The following LMNTD1 variants were observed in gnomAD, a reference collection of about 807,000 sequenced individuals.
The protein encoded by LMNTD1 is lamin tail domain containing 1, also known as lamin tail domain-containing protein 1.
In LMNTD1, 35 loss-of-function variants were observed where a neutral mutation model predicts 50.9. That is an observed-to-expected ratio of 0.69 (90% confidence interval 0.53 to 0.91). LMNTD1 has a LOEUF of 0.91. Ranked by LOEUF, LMNTD1 falls within the 40% of genes least tolerant of loss-of-function variation. The pLI is 0.00. For synonymous variants in LMNTD1, 153 were observed against 161.9 expected, an observed-to-expected ratio of 0.94 and a Z score of 0.42; for missense variants, 470 against 475.5, an observed-to-expected ratio of 0.99 and a Z score of 0.11.
rs571807964 is a variant in LMNTD1 at position 25,502,538 on chromosome 12, G to A, written c.*22+1200C>T. On this transcript the variant is annotated intron_variant, in intron 9 of 9. Coordinates refer to ENST00000458174, the MANE Select transcript of LMNTD1 (RefSeq NM_001145728.2). Reference sequence around the variant, plus strand: ...ACAATTCTTGCCATTAAAATACCTTGGGATTAGTTCTGGCTTTGTGGTTAA... The same window carrying A: ...ACAATTCTTGCCATTAAAATACCTTAGGATTAGTTCTGGCTTTGTGGTTAA... Among the ~76,000 whole-genome samples the A allele has an allele frequency of 2.1e-4, 32 of 152,238 alleles. No individual in the cohort carries two copies. In the South Asian group the frequency reaches 6.6e-3, roughly 32 times the overall value.
chr12:25,609,733 C>T lies in LMNTD1; in HGVS notation c.58+38761G>A, dbSNP rs199934257. Among the ~76,000 whole-genome samples, 8 of 152,174 alleles carry T rather than the reference C, an allele frequency of 5.3e-5. No individual in the cohort carries two copies. The East Asian group carries it at 1.5e-3, about 29-fold the overall frequency. ...TGGAAGCTTCGTCTCAGAGGGGCAC[C>T]TGGCTATATGAGGTGTCAGTCAGCC... On this transcript the variant is annotated intron_variant, in intron 1 of 7. Transcript: ENST00000445693.
At chr12:25,601,164 G>C (rs1460650268) in intron 1 of LMNTD1, among the ~76,000 whole-genome samples, 1 of 151,972 alleles carries the variant, frequency 6.6e-6, no homozygotes, top group Non-Finnish European at 1.5e-5. Context: ...GATGGAACTG[G>C]AGATCGTTAT....
chr12:25,589,341 T>C (rs532526902), intron 1 of LMNTD1, among the ~76,000 whole-genome samples: 8 of 152,250 alleles, frequency 5.3e-5, no homozygotes, highest in African/African-American at 1.9e-4. Context: ...CTTACAAAAT[T>C]ATAGGCACAC....
intron 1 of LMNTD1, among the ~76,000 whole-genome samples, chr12:25,611,224 G>C (rs976565709): frequency 2.0e-5 from 3 of 152,162 alleles, no homozygotes; most frequent in Non-Finnish European, 4.4e-5. Flanking sequence ...ATGGCGTACT[G>C]GAGACAGAAA....
intron 1 of LMNTD1, among the ~76,000 whole-genome samples, chr12:25,640,221 A>G (rs1946925029): frequency 6.6e-6 from 1 of 152,100 alleles, no homozygotes; most frequent in Non-Finnish European, 1.5e-5. Context: ...AGAATAGGTA[A>G]TTAAGATTGG....
intron 1 of LMNTD1, among the ~76,000 whole-genome samples, chr12:25,597,714 T>A (rs747404675): frequency 3.9e-5 from 6 of 152,206 alleles, no homozygotes; most frequent in Non-Finnish European, 5.9e-5. Context: ...CTTCAGCACA[T>A]GGATCATTCT....
intron 1 of LMNTD1, among the ~76,000 whole-genome samples, chr12:25,627,661 C>A (rs1946620485): frequency 1.3e-5 from 2 of 152,150 alleles, no homozygotes; most frequent in African/African-American, 4.8e-5. Context: ...TCTGGTATCA[C>A]CACAGGACAC....
intron 4 of LMNTD1, among the ~76,000 whole-genome samples, chr12:25,536,868 A>C (rs1337656055): frequency 6.7e-6 from 1 of 148,872 alleles, no homozygotes; most frequent in East Asian, 1.9e-4. Flanking sequence ...CAGTGGGTGC[A>C]CGCACCGTGC....
At chr12:25,508,253 T>C (rs1565949299) in intron 8 of LMNTD1, among the ~76,000 whole-genome samples, 1 of 152,232 alleles carries the variant, frequency 6.6e-6, no homozygotes, top group East Asian at 1.9e-4. Context: ...GTCAGTGTTC[T>C]AGAAGCATTT....
upstream of LMNTD1, among the ~76,000 whole-genome samples, chr12:25,558,107 A>T (rs1944116161): frequency 6.6e-6 from 1 of 152,192 alleles, no homozygotes; most frequent in African/African-American, 2.4e-5. Context: ...AAGGAGTAAG[A>T]AAGATCAGTA....
At chr12:25,572,048 T>G (rs1231300010) in intron 1 of LMNTD1, among the ~76,000 whole-genome samples, 2 of 152,186 alleles carry the variant, frequency 1.3e-5, no homozygotes, top group East Asian at 3.9e-4. Context: ...CCCCTAGGTT[T>G]TGGAGCCAGA....
intron 1 of LMNTD1, among the ~76,000 whole-genome samples, chr12:25,629,283 T>C (rs1339406401): frequency 1.3e-5 from 2 of 152,134 alleles, no homozygotes; most frequent in Non-Finnish European, 2.9e-5. Context: ...TCACCAATAT[T>C]TCTTACTTTC....
intron 1 of LMNTD1, among the ~76,000 whole-genome samples, chr12:25,647,199 A>C (rs1041633017): frequency 6.6e-6 from 1 of 152,242 alleles, no homozygotes; most frequent in African/African-American, 2.4e-5. Flanking sequence ...GTTTCTGATA[A>C]AATTTCTACA....
At chr12:25,589,811 A>G (rs1945642074) in intron 1 of LMNTD1, among the ~76,000 whole-genome samples, 1 of 152,046 alleles carries the variant, frequency 6.6e-6, no homozygotes, top group Admixed American at 6.6e-5. Flanking sequence ...GTAAAACTTA[A>G]TTATTCATTG....
intron 1 of LMNTD1, among the ~76,000 whole-genome samples, chr12:25,596,400 G>C (rs958532610): frequency 2.6e-5 from 4 of 152,058 alleles, no homozygotes; most frequent in African/African-American, 7.2e-5. Context: ...TTTCATACCA[G>C]GGATACAGGG....
intron 9 of LMNTD1, among the ~76,000 whole-genome samples, chr12:25,476,804 T>A (rs1001926754): frequency 6.6e-6 from 1 of 152,238 alleles, no homozygotes; most frequent in Non-Finnish European, 1.5e-5. Context: ...GCAGAACTCC[T>A]GACTGAAAGC....
intron 1 of LMNTD1, among the ~76,000 whole-genome samples, chr12:25,640,519 T>C (rs1007257667): frequency 6.8e-6 from 1 of 147,740 alleles, no homozygotes; most frequent in African/African-American, 2.6e-5. Flanking sequence ...AAAAAAAAAA[T>C]CTAAAATTAT....
At chr12:25,619,880 T>C (rs1243849559) in intron 1 of LMNTD1, among the ~76,000 whole-genome samples, 2 of 152,190 alleles carry the variant, frequency 1.3e-5, no homozygotes, top group South Asian at 2.1e-4. Context: ...TTTTGAAACA[T>C]TGGTTATGAG....
At chr12:25,564,600 C>T (rs1944476346) in intron 1 of LMNTD1, among the ~76,000 whole-genome samples, 1 of 152,112 alleles carries the variant, frequency 6.6e-6, no homozygotes. Flanking sequence ...AGATGCTAGA[C>T]ATTATTTCAA....
Sources: allele counts gnomAD v4.1 joint callset (sites outside exome capture counted in the v4.1 genomes callset), GRCh38; gene constraint gnomAD v4.1.1; transcripts MANE v1.5; gene names NCBI Gene and HGNC (gene_info 2026-07-23, HGNC 2026-07-21).